The following ZNF618 variants were observed in gnomAD, a reference collection of about 807,000 sequenced individuals.
ZNF618 encodes the protein neural precursor cell expressed, developmentally down-regulated 10.
Under a neutral mutation model 103.0 loss-of-function variants are expected in ZNF618, and 34 were observed. That is an observed-to-expected ratio of 0.33 (90% confidence interval 0.25 to 0.44). The LOEUF is 0.44. Among genes scored for constraint, ZNF618 ranks in the 20% least tolerant of loss-of-function variants. The pLI is 1.00. For missense variants in ZNF618, 1,059 were observed against 1,295.4 expected (o/e 0.82, Z 2.80); for synonymous variants, 551 against 542.2 (o/e 1.02, Z -0.23).
At chr9:113,968,892 G>A (rs905648361) in intron 1 of ZNF618, among the ~76,000 whole-genome samples, 5 of 152,172 alleles carry the variant, frequency 3.3e-5, no homozygotes, top group Admixed American at 3.3e-4. Flanking sequence ...TGGGTGCTCA[G>A]TGGGATTTAA....
At chr9:114,048,059 C>T in intron 14 of ZNF618, 65 bp downstream of exon 14, 2 of 1,352,094 alleles carry the variant, frequency 1.5e-6, no homozygotes, top group South Asian at 1.3e-5. Flanking sequence ...CCTCTCTGCC[C>T]CCCATTCCCA....
chr9:114,035,055 G>T (rs960972194), intron 12 of ZNF618: 8 of 524,480 alleles, frequency 1.5e-5, no homozygotes, highest in Non-Finnish European at 2.0e-5. Flanking sequence ...ACCCCAGATT[G>T]TGAGCCTTCC....
At position 113,988,362 on chromosome 9, in the gene ZNF618, G is replaced by A; in HGVS notation, c.119G>A (p.Gly40Asp). ...AGCCAGAAGAGCACCAAGGTGGAGG[G>A]CCCAGAGCCAGTGCCAGCCGAGGCC... ...KRSQKSTKVEGPEPVPAEASL... is the reference protein window; with the variant it reads ...KRSQKSTKVEDPEPVPAEASL... The change falls in exon 3 of 15, where the codon GGC (glycine) becomes GAC (aspartate). Residue 40 changes from glycine to aspartate, a missense_variant. By Grantham distance (94) the Gly-to-Asp change is moderately conservative. Transcript: ENST00000374126. 1 of 1,613,252 alleles carries A rather than the reference G, an allele frequency of 6.2e-7. No individual in the cohort carries two copies. The highest frequency in any genetic ancestry group is 8.5e-7 in the Non-Finnish European group (1 of 1,179,820).
Position 114,049,189 on chromosome 9 carries a change from C to T in ZNF618, c.1887C>T (p.Ala629=), listed in dbSNP as rs754148162. The change falls in exon 15 of 15, where the codon GCC becomes GCT. Residue 629 remains alanine, a synonymous_variant. Coordinates refer to ENST00000374126, the MANE Select transcript of ZNF618 (RefSeq NM_001318042.2). ...CRVSTSAFSK[A]GMCLRCSACA... Reference sequence around the variant, plus strand: ...TGAGCACGTCCGCCTTCTCCAAGGCCGGCATGTGCCTTCGCTGCTCAGCCT... The same window carrying T: ...TGAGCACGTCCGCCTTCTCCAAGGCTGGCATGTGCCTTCGCTGCTCAGCCT... 13 of 1,613,650 alleles carry T rather than the reference C, an allele frequency of 8.1e-6. No individual in the cohort carries two copies. The highest frequency in any genetic ancestry group is 4.5e-5 in the East Asian group (2 of 44,890).
intron 1 of ZNF618, among the ~76,000 whole-genome samples, chr9:113,946,398 CAA>C (rs58064458): frequency 0.011 from 1,295 of 114,792 alleles, 5 homozygotes; most frequent in East Asian, 0.029. Context: ...GGGAAGTCTT[CAA>C]AAAAAAAAAA....
chr9:114,041,248 A>G (rs1343706587), intron 13 of ZNF618, among the ~76,000 whole-genome samples: 1 of 152,122 alleles, frequency 6.6e-6, no homozygotes, highest in African/African-American at 2.4e-5. Flanking sequence ...AGATGAGTAG[A>G]TTGCAAAAAT....
intron 2 of ZNF618, among the ~76,000 whole-genome samples, chr9:113,973,662 G>T (rs188483746): frequency 6.6e-6 from 1 of 152,350 alleles, no homozygotes; most frequent in Non-Finnish European, 1.5e-5. Context: ...TATTCTAAGG[G>T]TCAGGGAGGC....
chr9:114,045,537 G>C (rs1482830343), intron 13 of ZNF618, among the ~76,000 whole-genome samples: 1 of 151,946 alleles, frequency 6.6e-6, no homozygotes, highest in Non-Finnish European at 1.5e-5. Flanking sequence ...ATAAATGTAG[G>C]TGCTTATTTC....
chr9:113,899,306 C>T (rs575527824), intron 1 of ZNF618, among the ~76,000 whole-genome samples: 1 of 152,302 alleles, frequency 6.6e-6, no homozygotes, highest in South Asian at 2.1e-4. Flanking sequence ...CCCATTTCCC[C>T]TTCCCCCAGT....
intron 2 of ZNF618, among the ~76,000 whole-genome samples, chr9:113,971,424 A>C (rs1837951982): frequency 6.6e-6 from 1 of 152,094 alleles, no homozygotes; most frequent in Admixed American, 6.5e-5. Flanking sequence ...CTTTCCTCCC[A>C]CTTTCACTAA....
chr9:113,894,306 T>C (rs1346242881), intron 1 of ZNF618, among the ~76,000 whole-genome samples: 1 of 152,220 alleles, frequency 6.6e-6, no homozygotes, highest in African/African-American at 2.4e-5. Context: ...TCCACCTGAC[T>C]GACCATTACA....
At chr9:113,955,232 C>G (rs1458878855) in intron 1 of ZNF618, among the ~76,000 whole-genome samples, 2 of 150,472 alleles carry the variant, frequency 1.3e-5, no homozygotes, top group African/African-American at 2.5e-5. Context: ...TGTTGCCACC[C>G]TGACTCACCC....
chr9:114,018,539 G>A (rs1334069465), intron 10 of ZNF618, among the ~76,000 whole-genome samples: 1 of 152,226 alleles, frequency 6.6e-6, no homozygotes, highest in Non-Finnish European at 1.5e-5. Flanking sequence ...AGGCCATGGA[G>A]TTAGTAAGAT....
intron 13 of ZNF618, 83 bp from the exon 14 acceptor site, chr9:114,047,810 C>A: frequency 8.2e-7 from 1 of 1,213,504 alleles, no homozygotes; most frequent in Non-Finnish European, 1.2e-6. Flanking sequence ...TCTGCTGTTA[C>A]CCACCACACT....
intron 2 of ZNF618, among the ~76,000 whole-genome samples, chr9:113,970,612 A>G (rs1401455475): frequency 6.6e-6 from 1 of 151,972 alleles, no homozygotes; most frequent in Non-Finnish European, 1.5e-5. Flanking sequence ...AGCTTCTGCA[A>G]CTGCTGTTCC....
intron 6 of ZNF618, among the ~76,000 whole-genome samples, chr9:114,006,226 C>A (rs1841743955): frequency 6.6e-6 from 1 of 152,164 alleles, no homozygotes; most frequent in South Asian, 2.1e-4. Context: ...GGAGGGGGAC[C>A]AGGAGAGAGG....
intron 3 of ZNF618, among the ~76,000 whole-genome samples, chr9:113,994,575 A>G (rs1252246322): frequency 6.6e-6 from 1 of 152,226 alleles, no homozygotes; most frequent in African/African-American, 2.4e-5. Context: ...TAACTTCTCT[A>G]AGCCACCGTG....
chr9:113,928,899 T>C (rs1014189521), intron 1 of ZNF618, among the ~76,000 whole-genome samples: 2 of 152,198 alleles, frequency 1.3e-5, no homozygotes, highest in African/African-American at 2.4e-5. Flanking sequence ...TCTCCCTTTA[T>C]GTGAGATAGG....
chr9:113,947,945 C>T lies in ZNF618; in HGVS notation c.34-21172C>T, dbSNP rs1348806924. Among the ~76,000 whole-genome samples, 5 of 152,296 alleles carry T rather than the reference C, an allele frequency of 3.3e-5. No homozygotes were observed. In the South Asian group the frequency reaches 6.2e-4, roughly 19 times the overall value. Reference sequence around the variant, plus strand: ...AAGAATGGGAGGGAGAGGGGAGGTCCAGGCCATCCCTTTGGTCGCCATGTT... The same window carrying T: ...AAGAATGGGAGGGAGAGGGGAGGTCTAGGCCATCCCTTTGGTCGCCATGTT... On this transcript the variant is annotated intron_variant, in intron 1 of 14. Transcript: ENST00000374126.
Sources: allele counts gnomAD v4.1 joint callset (sites outside exome capture counted in the v4.1 genomes callset), GRCh38; gene constraint gnomAD v4.1.1; transcripts MANE v1.5; gene names NCBI Gene and HGNC (gene_info 2026-07-23, HGNC 2026-07-21).